EXOC4: variants seen among roughly 807,000 people sequenced by gnomAD.
EXOC4 encodes the protein exocyst complex component 4, also known as SEC8-like 1.
Under a neutral mutation model 107.2 loss-of-function variants are expected in EXOC4, and 71 were observed. The ratio of observed to expected loss-of-function variants is 0.66; its 90% CI spans 0.55 to 0.81. EXOC4 has a LOEUF of 0.81. EXOC4 is among the 30% of genes least tolerant of loss of function. The probability of loss-of-function intolerance (pLI) is 0.00; values close to 1 mark genes in which losing one functional copy is unlikely to be tolerated. For synonymous variants in EXOC4, 456 were observed against 441.2 expected, an observed-to-expected ratio of 1.03 and a Z score of -0.42; for missense variants, 1,108 against 1,189.6, an observed-to-expected ratio of 0.93 and a Z score of 1.01.
Position 133,838,184 on chromosome 7 carries a change from A to AT in EXOC4, c.1734+20643dup, listed in dbSNP as rs1482427372. Among the ~76,000 whole-genome samples the AT allele has an allele frequency of 5.3e-5, 8 of 152,252 alleles. 1 individual carries two copies. In the South Asian group the frequency reaches 1.7e-3, roughly 32 times the overall value. ...AAATGGACTTGATTGAAATCAGCAA[A>AT]TTTGTTTCTTATTTACTCGTTGTTT... On this transcript the variant is annotated intron_variant, in intron 11 of 17. Transcript: ENST00000253861.
At chr7:133,371,700 G>A (rs1041985314) in intron 6 of EXOC4, among the ~76,000 whole-genome samples, 3 of 152,160 alleles carry the variant, frequency 2.0e-5, no homozygotes, top group Non-Finnish European at 2.9e-5. Context: ...GGACATTTGT[G>A]TACAAGTTTT....
intron 4 of EXOC4, among the ~76,000 whole-genome samples, chr7:133,313,787 G>C (rs1265223866): frequency 1.3e-5 from 2 of 152,166 alleles, no homozygotes; most frequent in African/African-American, 4.8e-5. Context: ...AGTGGCAGTG[G>C]TTGTTGCTTG....
At chr7:133,627,454 A>T (rs1802483237) in intron 9 of EXOC4, among the ~76,000 whole-genome samples, 1 of 152,220 alleles carries the variant, frequency 6.6e-6, no homozygotes, top group Non-Finnish European at 1.5e-5. Flanking sequence ...GGTTATCAAA[A>T]GACATGTTCA....
the EXOC4 span, among the ~76,000 whole-genome samples, chr7:134,081,984 T>A: frequency 6.6e-6 from 1 of 152,190 alleles, no homozygotes; most frequent in Non-Finnish European, 1.5e-5. Context: ...GCATGTTCAA[T>A]ACACAGATGA....
At chr7:133,778,656 C>T (rs919117122) in intron 10 of EXOC4, among the ~76,000 whole-genome samples, 2 of 152,220 alleles carry the variant, frequency 1.3e-5, no homozygotes, top group South Asian at 2.1e-4. Context: ...CTGTATCCCA[C>T]GATTACTCAT....
In EXOC4 at chr7:133,949,131, C is replaced by G. The variant is rs184866328; in HGVS notation, c.2206+11062C>G. On this transcript the variant is annotated intron_variant, in intron 14 of 17. Transcript: ENST00000253861. ...GATGTAAAAGCTGCACCTCTTACCC[C>G]CAAAGGACCTATTTTGGACCCAAAT... Among the ~76,000 whole-genome samples the G allele has an allele frequency of 1.5e-4, 23 of 152,268 alleles. No individual in the cohort carries two copies. In the East Asian group the frequency reaches 1.7e-3, roughly 11 times the overall value.
intron 17 of EXOC4, among the ~76,000 whole-genome samples, chr7:134,038,339 T>C (rs896636899): frequency 1.3e-5 from 2 of 152,176 alleles, no homozygotes; most frequent in African/African-American, 2.4e-5. Context: ...AATTCCTGGA[T>C]ATATTAGGCA....
chr7:133,618,394 A>T (rs1316349791), intron 9 of EXOC4, among the ~76,000 whole-genome samples: 3 of 152,040 alleles, frequency 2.0e-5, no homozygotes, highest in Non-Finnish European at 2.9e-5. Context: ...TGAGGTTGGG[A>T]GTAAATTCCT....
At chr7:133,278,960 C>T (rs1171147859) in intron 2 of EXOC4, among the ~76,000 whole-genome samples, 1 of 151,484 alleles carries the variant, frequency 6.6e-6, no homozygotes, top group Non-Finnish European at 1.5e-5. Context: ...CTAATGCTAT[C>T]CCTCCCCACT....
intron 7 of EXOC4, among the ~76,000 whole-genome samples, chr7:133,419,867 G>T (rs1471516513): frequency 6.6e-6 from 1 of 152,174 alleles, no homozygotes; most frequent in South Asian, 2.1e-4. Flanking sequence ...CGCTGAGATG[G>T]TTCCTCTGCT....
intron 10 of EXOC4, among the ~76,000 whole-genome samples, chr7:133,711,055 A>G (rs1442638287): frequency 6.6e-6 from 1 of 152,252 alleles, no homozygotes; most frequent in Non-Finnish European, 1.5e-5. Context: ...ACAGCAATAC[A>G]AAATGAACTG....
intron 9 of EXOC4, among the ~76,000 whole-genome samples, chr7:133,605,183 A>C (rs1024179305): frequency 6.6e-6 from 1 of 152,126 alleles, no homozygotes; most frequent in Non-Finnish European, 1.5e-5. Flanking sequence ...TTCTTCAACA[A>C]ATGTTTTCTT....
In EXOC4 at chr7:133,937,859, T is replaced by C. The variant is rs546871250; in HGVS notation, c.2028-32T>C. On this transcript the variant is annotated intron_variant, in intron 13 of 17. Transcript: ENST00000253861. ...CCGGTCCTACCTTTTCCATGCTGTA[T>C]ATATGAAGTGTGTTTCTGATTTGCT... is the stretch of plus-strand genomic sequence containing the variant. 7 of 1,612,170 alleles carry C rather than the reference T, an allele frequency of 4.3e-6. No individual in the cohort carries two copies. The African/African-American group carries it at 9.3e-5, about 21-fold the overall frequency.
At chr7:133,952,250 C>G (rs920323112) in intron 14 of EXOC4, among the ~76,000 whole-genome samples, 1 of 152,132 alleles carries the variant, frequency 6.6e-6, no homozygotes, top group Non-Finnish European at 1.5e-5. Flanking sequence ...TCAGAGCCCA[C>G]AGTAGCTCTG....
chr7:133,792,168 T>C (rs1050153511), intron 10 of EXOC4, among the ~76,000 whole-genome samples: 1 of 152,142 alleles, frequency 6.6e-6, no homozygotes, highest in Admixed American at 6.5e-5. Context: ...ACCATTCTGT[T>C]TGGCCCTCTT....
intron 10 of EXOC4, among the ~76,000 whole-genome samples, chr7:133,796,332 G>T (rs1796813141): frequency 6.6e-6 from 1 of 152,164 alleles, no homozygotes; most frequent in African/African-American, 2.4e-5. Context: ...TGGGGGAAAG[G>T]CTCTGGTGGA....
chr7:133,798,069 C>A (rs1046216995), intron 10 of EXOC4, among the ~76,000 whole-genome samples: 2 of 151,690 alleles, frequency 1.3e-5, no homozygotes, highest in Admixed American at 6.6e-5. Flanking sequence ...GAAGAGCAGC[C>A]CAGGCAGAGG....
intron 10 of EXOC4, among the ~76,000 whole-genome samples, chr7:133,760,224 C>T (rs1796004230): frequency 6.6e-6 from 1 of 152,034 alleles, no homozygotes; most frequent in Admixed American, 6.6e-5. Context: ...AAGACCCTGT[C>T]CATTTTTTGT....
At chr7:133,987,943 T>G (rs980936559) in intron 14 of EXOC4, among the ~76,000 whole-genome samples, 2 of 152,208 alleles carry the variant, frequency 1.3e-5, no homozygotes, top group African/African-American at 4.8e-5. Context: ...CAATTTTAAC[T>G]AATTTTAAGA....
Sources: gnomAD v4.1 joint callset for allele counts (sites outside exome capture counted in the v4.1 genomes callset) on GRCh38, gnomAD v4.1.1 for gene constraint, MANE v1.5 for transcripts, NCBI Gene and HGNC (gene_info 2026-07-23, HGNC 2026-07-21) for gene names.